Variants in REEP3 observed in about 807,000 individuals in gnomAD.
REEP3 encodes the protein receptor expression-enhancing protein 3.
In REEP3, 20 loss-of-function variants were observed where a neutral mutation model predicts 41.3. The observed-to-expected ratio is 0.48, with a 90% CI of 0.34 to 0.70. The LOEUF is 0.70. Among genes scored for constraint, REEP3 ranks in the 30% least tolerant of loss-of-function variants. The probability of loss-of-function intolerance (pLI) is 0.01; values close to 1 mark genes in which losing one functional copy is unlikely to be tolerated. For synonymous variants in REEP3, 104 were observed against 101.8 expected (o/e 1.02, Z -0.13); for missense variants, 271 against 308.8 (o/e 0.88, Z 0.92).
At chr10:63,600,619 A>G (rs970311944) in intron 5 of REEP3, among the ~76,000 whole-genome samples, 1 of 152,232 alleles carries the variant, frequency 6.6e-6, no homozygotes, top group African/African-American at 2.4e-5. Flanking sequence ...CTGCTAAAAA[A>G]GATTATCCAG....
intron 2 of REEP3, among the ~76,000 whole-genome samples, chr10:63,583,572 A>G (rs1955975633): frequency 6.6e-6 from 1 of 152,120 alleles, no homozygotes; most frequent in Admixed American, 6.5e-5. Flanking sequence ...GATGGAGTCG[A>G]CTGTGTGAAG....
chr10:63,549,335 C>T (rs1020908551), intron 1 of REEP3, among the ~76,000 whole-genome samples: 2 of 152,166 alleles, frequency 1.3e-5, no homozygotes, highest in African/African-American at 2.4e-5. Context: ...TCGGAGGCCA[C>T]GGCTGGTGGA....
chr10:63,586,637 G>A (rs1956009579), intron 2 of REEP3, among the ~76,000 whole-genome samples: 1 of 152,062 alleles, frequency 6.6e-6, no homozygotes, highest in African/African-American at 2.4e-5. Flanking sequence ...AAAAAAAATG[G>A]AAATTATAAT....
intron 2 of REEP3, among the ~76,000 whole-genome samples, chr10:63,567,545 A>G (rs1453494687): frequency 6.6e-6 from 1 of 152,150 alleles, no homozygotes; most frequent in Non-Finnish European, 1.5e-5. Context: ...GCTGAGTAAC[A>G]TTCTACTGTA....
At chr10:63,566,630 T>G (rs943131850) in intron 2 of REEP3, among the ~76,000 whole-genome samples, 5 of 152,214 alleles carry the variant, frequency 3.3e-5, no homozygotes, top group African/African-American at 4.8e-5. Context: ...AGTAATTGAA[T>G]AGGTCTTGAT....
At chr10:63,610,420 G>T in intron 6 of REEP3, 86 bp downstream of exon 6, 1 of 1,315,608 alleles carries the variant, frequency 7.6e-7, no homozygotes, top group South Asian at 1.4e-5. Context: ...GGGGGGTGGG[G>T]CACAAGGAGA....
intron 2 of REEP3, among the ~76,000 whole-genome samples, chr10:63,571,319 T>C (rs1955850324): frequency 2.0e-5 from 3 of 152,220 alleles, no homozygotes; most frequent in Admixed American, 1.3e-4. Flanking sequence ...ATTTATTCTC[T>C]TACAGTCCTA....
chr10:63,540,248 T>C (rs925338475), intron 1 of REEP3, among the ~76,000 whole-genome samples: 1 of 152,218 alleles, frequency 6.6e-6, no homozygotes, highest in African/African-American at 2.4e-5. Flanking sequence ...GAAATTCAAC[T>C]TGGAAATGCA....
chr10:63,602,855 G>C (rs1307557944), intron 5 of REEP3, among the ~76,000 whole-genome samples: 1 of 152,078 alleles, frequency 6.6e-6, no homozygotes, highest in Non-Finnish European at 1.5e-5. Context: ...TTTATTTAAT[G>C]CCTACTGCAT....
At chr10:63,563,644 A>G (rs1955766075) in intron 1 of REEP3, among the ~76,000 whole-genome samples, 1 of 151,980 alleles carries the variant, frequency 6.6e-6, no homozygotes, top group Non-Finnish European at 1.5e-5. Context: ...TTTGTAGAGA[A>G]TAACTCCCCA....
At chr10:63,568,523 T>C (rs1674853699) in intron 2 of REEP3, among the ~76,000 whole-genome samples, 1 of 151,950 alleles carries the variant, frequency 6.6e-6, no homozygotes, top group Admixed American at 6.6e-5. Context: ...CGCCTCGGCC[T>C]CCCAAAGTGC....
At chr10:63,521,789 GGCGACTGCGGCT>G (rs1177127112) in intron 1 of REEP3, 2 of 322,096 alleles carry the variant, frequency 6.2e-6, no homozygotes, top group Non-Finnish European at 1.1e-5. Flanking sequence ...GCCTAGCTGC[GGCGACTGCGGCT>G]GCGACGGCGG....
chr10:63,583,203 G>A (rs901476462), intron 2 of REEP3, among the ~76,000 whole-genome samples: 1 of 152,062 alleles, frequency 6.6e-6, no homozygotes, highest in African/African-American at 2.4e-5. Flanking sequence ...GTGTTAGCCA[G>A]GATGGTGTTG....
chr10:63,599,373 C>A, intron 5 of REEP3, 90 bp downstream of exon 5: 2 of 523,010 alleles, frequency 3.8e-6, no homozygotes, highest in Non-Finnish European at 3.2e-6. Context: ...AAAATTGTGG[C>A]ATTTTGCTAT....
intron 1 of REEP3, among the ~76,000 whole-genome samples, chr10:63,532,780 C>T (rs1415664268): frequency 6.6e-6 from 1 of 152,060 alleles, no homozygotes; most frequent in Non-Finnish European, 1.5e-5. Flanking sequence ...CGCCTGCAGT[C>T]CCAGCTACTC....
chr10:63,606,577 T>C (rs1956231248), intron 5 of REEP3, among the ~76,000 whole-genome samples: 1 of 152,114 alleles, frequency 6.6e-6, no homozygotes, highest in Non-Finnish European at 1.5e-5. Context: ...TATACTTTTG[T>C]CTTAATATTA....
intron 2 of REEP3, among the ~76,000 whole-genome samples, chr10:63,568,328 G>T (rs974313141): frequency 6.7e-6 from 1 of 150,084 alleles, no homozygotes; most frequent in Non-Finnish European, 1.5e-5. Context: ...GTGCACTGGC[G>T]CGATCTTGGC....
At chr10:63,567,984 A>G (rs1421174111) in intron 2 of REEP3, among the ~76,000 whole-genome samples, 1 of 152,114 alleles carries the variant, frequency 6.6e-6, no homozygotes, top group Non-Finnish European at 1.5e-5. Flanking sequence ...TGGGCTCTCA[A>G]ATTTTTCTAT....
At chr10:63,557,178 A>G (rs976407342) in intron 1 of REEP3, among the ~76,000 whole-genome samples, 2 of 152,196 alleles carry the variant, frequency 1.3e-5, no homozygotes, top group Non-Finnish European at 2.9e-5. Flanking sequence ...GATGTAAAGT[A>G]CTGCCTACAA....
Sources: allele counts gnomAD v4.1 joint callset (sites outside exome capture counted in the v4.1 genomes callset), GRCh38; gene constraint gnomAD v4.1.1; transcripts MANE v1.5; gene names NCBI Gene and HGNC (gene_info 2026-07-23, HGNC 2026-07-21).